The following KAT6A variants were observed in gnomAD, a reference collection of about 807,000 sequenced individuals.
KAT6A encodes the protein histone acetyltransferase KAT6A.
KAT6A carries 9 observed loss-of-function variants against 198.4 expected under a neutral mutation model. The observed-to-expected ratio is 0.05, with a 90% CI of 0.03 to 0.08. The LOEUF (loss-of-function observed/expected upper bound fraction) is 0.08, where lower values mean the gene tolerates loss of function less well. Among genes scored for constraint, KAT6A ranks in the 10% least tolerant of loss-of-function variants. The pLI is 1.00. For missense variants in KAT6A, 2,077 were observed against 2,509.9 expected, an observed-to-expected ratio of 0.83 and a Z score of 3.69; for synonymous variants, 890 against 883.0, an observed-to-expected ratio of 1.01 and a Z score of -0.14.
In KAT6A at chr8:41,934,092, C is replaced by T. The variant is rs1381283497; in HGVS notation, c.4128G>A (p.Glu1376=). 6.2e-7 allele frequency: 1 copy of T among 1,614,028 alleles called. No homozygotes were observed. Among genetic ancestry groups the T allele is most frequent in the African/African-American group, 1.3e-5 (1 of 74,932 alleles). ...CCACGGACGTGTCATGGGAAGGCTG[C>T]TCCTCTTCGGAATCCAGCTCGGTTT... ...KEETELDSEE[E]QPSHDTSVVS... Residue 1376 remains glutamate (E), a synonymous_variant, in exon 17 of 17, where the codon GAG becomes GAA. Coordinates refer to ENST00000265713, the MANE Select transcript of KAT6A (RefSeq NM_006766.5).
chr8:41,940,247 C>T (rs1429846878), intron 15 of KAT6A, among the ~76,000 whole-genome samples: 1 of 152,122 alleles, frequency 6.6e-6, no homozygotes. Context: ...TATTTAATAA[C>T]TAATTGGCTA....
chr8:42,040,735 C>CAAAAAAAAAAAAAAAAA (rs59959496), intron 2 of KAT6A, among the ~76,000 whole-genome samples: 11 of 54,650 alleles, frequency 2.0e-4, no homozygotes, highest in East Asian at 4.5e-4. Context: ...GACTCTGTCT[C>CAAAAAAAAAAAAAAAAA]AAAAAAAAAA....
intron 2 of KAT6A, among the ~76,000 whole-genome samples, chr8:41,989,921 C>T (rs1020046924): frequency 3.9e-5 from 6 of 152,108 alleles, no homozygotes; most frequent in African/African-American, 9.7e-5. Context: ...GAGAGATGAA[C>T]GGCTAGTTGT....
At chr8:41,985,845 T>A (rs759049971) in intron 3 of KAT6A, among the ~76,000 whole-genome samples, 2 of 152,232 alleles carry the variant, frequency 1.3e-5, no homozygotes, top group Non-Finnish European at 2.9e-5. Flanking sequence ...ATCATGGTTG[T>A]TATCACTATA....
Position 41,931,032 on chromosome 8 carries a change from G to C in KAT6A, c.*1173C>G, listed in dbSNP as rs551886131. 2.8e-4 allele frequency: 61 copies of C among 216,694 alleles called. No homozygotes were observed. Among genetic ancestry groups the C allele is most frequent in the South Asian group, 2.0e-3 (11 of 5,398 alleles). 13.4% of individuals were successfully genotyped at this position (216,694 alleles called of 1,614,324 possible). On this transcript the variant is annotated 3_prime_UTR_variant, in exon 17 of 17. Coordinates refer to ENST00000265713, the MANE Select transcript of KAT6A (RefSeq NM_006766.5). ...TAAATAGCTACGAAACTCACACCGT[G>C]ATCTCCCTTCTGACACACATCTGCG...
chr8:42,019,699 C>T (rs1414761499), intron 2 of KAT6A, among the ~76,000 whole-genome samples: 1 of 152,180 alleles, frequency 6.6e-6, no homozygotes, highest in African/African-American at 2.4e-5. Flanking sequence ...ATGTCCTCTT[C>T]TGGTCTGGGG....
At chr8:41,946,143 T>G in intron 12 of KAT6A, among the ~76,000 whole-genome samples, 1 of 152,150 alleles carries the variant, frequency 6.6e-6, no homozygotes, top group East Asian at 1.9e-4. Context: ...TGGCCCAGGC[T>G]AGGGCCTGCA....
intron 2 of KAT6A, among the ~76,000 whole-genome samples, chr8:41,996,929 ATATTATATAT>A (rs1383610566): frequency 5.3e-5 from 8 of 152,236 alleles, no homozygotes; most frequent in African/African-American, 1.9e-4. Flanking sequence ...AAAAGGACAT[ATATTATATAT>A]TATATGATTC....
chr8:41,985,659 G>A (rs1824565009), intron 3 of KAT6A, among the ~76,000 whole-genome samples: 1 of 152,164 alleles, frequency 6.6e-6, no homozygotes, highest in Admixed American at 6.6e-5. Context: ...CCAGATAGAG[G>A]CAGACACAGT....
At chr8:41,943,083 A>C in intron 13 of KAT6A, 83 bp from the exon 14 acceptor site, 1 of 1,548,308 alleles carries the variant, frequency 6.5e-7, no homozygotes, top group Non-Finnish European at 8.8e-7. Context: ...CCCCTGGTGA[A>C]GCATGTAAGA....
intron 2 of KAT6A, among the ~76,000 whole-genome samples, chr8:42,000,408 G>C (rs956088426): frequency 6.6e-6 from 1 of 151,922 alleles, no homozygotes; most frequent in Non-Finnish European, 1.5e-5. Flanking sequence ...AAAATTAGCG[G>C]GGTGTGGTGG....
At chr8:41,974,029 T>C (rs1823928488) in intron 8 of KAT6A, among the ~76,000 whole-genome samples, 1 of 152,164 alleles carries the variant, frequency 6.6e-6, no homozygotes, top group Non-Finnish European at 1.5e-5. Flanking sequence ...ATGTGGCACA[T>C]AGACTCTGTC....
At chr8:42,036,330 G>T (rs1827375099) in intron 2 of KAT6A, among the ~76,000 whole-genome samples, 1 of 152,132 alleles carries the variant, frequency 6.6e-6, no homozygotes, top group South Asian at 2.1e-4. Context: ...AAGCAGAGAG[G>T]TTGGGCACGA....
intron 2 of KAT6A, among the ~76,000 whole-genome samples, chr8:42,032,826 A>G (rs1827191822): frequency 6.6e-6 from 1 of 151,220 alleles, no homozygotes; most frequent in Admixed American, 6.6e-5. Flanking sequence ...CAGCCTTCCT[A>G]ATGATATGCT....
chr8:41,981,764 A>G, intron 4 of KAT6A, 75 bp downstream of exon 4: 1 of 876,960 alleles, frequency 1.1e-6, no homozygotes, highest in Non-Finnish European at 1.9e-6. Flanking sequence ...ATAACCAGTC[A>G]TACTTAGATG....
intron 8 of KAT6A, among the ~76,000 whole-genome samples, chr8:41,964,496 C>A (rs1475588633): frequency 6.6e-6 from 1 of 151,928 alleles, no homozygotes; most frequent in Non-Finnish European, 1.5e-5. Flanking sequence ...AAATCTGAAA[C>A]CTGAAATGCT....
In KAT6A at chr8:42,045,021, G is replaced by C. The variant is rs546495503; in HGVS notation, c.600+3357C>G. On this transcript the variant is annotated intron_variant, in intron 2 of 16. Coordinates refer to ENST00000265713, the MANE Select transcript of KAT6A (RefSeq NM_006766.5). ...AAGGAGCAGACATAATCTGTTCAAAGGAATAATCTCTCATCCTAGAGTTCA... is the reference window on the plus strand; with the variant it reads ...AAGGAGCAGACATAATCTGTTCAAACGAATAATCTCTCATCCTAGAGTTCA... Among the ~76,000 whole-genome samples the C allele has an allele frequency of 4.6e-5, 7 of 152,230 alleles. No homozygotes were observed. The East Asian group carries it at 1.4e-3, about 29-fold the overall frequency.
intron 2 of KAT6A, among the ~76,000 whole-genome samples, chr8:42,010,123 T>C (rs1180921014): frequency 2.0e-5 from 3 of 151,820 alleles, no homozygotes; most frequent in Non-Finnish European, 2.9e-5. Context: ...TGGCAAACAT[T>C]GTGAAACCCT....
Position 42,002,474 on chromosome 8 carries a change from T to A in KAT6A, c.601-14911A>T, listed in dbSNP as rs537420078. Among the ~76,000 whole-genome samples, 18 of 152,244 alleles carry A rather than the reference T, an allele frequency of 1.2e-4. No homozygotes were observed. The East Asian group carries it at 2.5e-3, about 21-fold the overall frequency. Reference sequence around the variant, plus strand: ...TACTCGGGAGGCTGAAGCACGAGTATCACTTGAACCTGGGGGGTGGAGGTT... The same window carrying A: ...TACTCGGGAGGCTGAAGCACGAGTAACACTTGAACCTGGGGGGTGGAGGTT... On this transcript the variant is annotated intron_variant, in intron 2 of 16. Coordinates refer to ENST00000265713, the MANE Select transcript of KAT6A (RefSeq NM_006766.5).
Sources: gnomAD v4.1 joint callset for allele counts (sites outside exome capture counted in the v4.1 genomes callset) on GRCh38, gnomAD v4.1.1 for gene constraint, MANE v1.5 for transcripts, NCBI Gene and HGNC (gene_info 2026-07-23, HGNC 2026-07-21) for gene names.